SRD5A2: variants seen among roughly 807,000 people sequenced by gnomAD.
The protein encoded by SRD5A2 is steroid 5 alpha-reductase 2.
Under a neutral mutation model 27.4 loss-of-function variants are expected in SRD5A2, and 30 were observed. The ratio of observed to expected loss-of-function variants is 1.10; its 90% confidence interval spans 0.82 to 1.49. SRD5A2 has a LOEUF of 1.49. Ranked by LOEUF, SRD5A2 falls within the 40% of genes most tolerant of loss-of-function variation. SRD5A2 has a pLI of 0.00. For missense variants in SRD5A2, 348 were observed against 323.4 expected (o/e 1.08, Z -0.58); for synonymous variants, 141 against 133.6 (o/e 1.06, Z -0.38).
the SRD5A2 span, among the ~76,000 whole-genome samples, chr2:31,662,462 G>A: frequency 1.3e-5 from 2 of 152,046 alleles, no homozygotes; most frequent in Non-Finnish European, 2.9e-5. Flanking sequence ...GGGACTACAG[G>A]TGTGCACCAC....
intron 1 of SRD5A2, among the ~76,000 whole-genome samples, chr2:31,580,085 T>G (rs1667038425): frequency 6.6e-6 from 1 of 152,152 alleles, no homozygotes; most frequent in Non-Finnish European, 1.5e-5. Context: ...CCTTCCTCCT[T>G]AGACCTGCAA....
chr2:31,608,804 C>T, the SRD5A2 span, among the ~76,000 whole-genome samples: 2 of 152,068 alleles, frequency 1.3e-5, no homozygotes, highest in East Asian at 1.9e-4. Flanking sequence ...CCCATGTCCA[C>T]GGTTTGGAAG....
At chr2:31,646,691 C>T in the SRD5A2 span, among the ~76,000 whole-genome samples, 1 of 151,800 alleles carries the variant, frequency 6.6e-6, no homozygotes, top group African/African-American at 2.4e-5. Flanking sequence ...TCATAGCCAG[C>T]ATACTGTAGA....
chr2:31,625,378 G>A, the SRD5A2 span, among the ~76,000 whole-genome samples: 1 of 152,120 alleles, frequency 6.6e-6, no homozygotes, highest in Non-Finnish European at 1.5e-5. Context: ...GATCCCATTT[G>A]TCTATTTTGG....
chr2:31,565,177 C>A (rs1666705618), intron 1 of SRD5A2, among the ~76,000 whole-genome samples: 1 of 151,572 alleles, frequency 6.6e-6, no homozygotes, highest in South Asian at 2.1e-4. Context: ...TGCAATAAAC[C>A]TTTAAGCAAA....
At chr2:31,634,756 C>T in the SRD5A2 span, among the ~76,000 whole-genome samples, 1 of 152,152 alleles carries the variant, frequency 6.6e-6, no homozygotes, top group South Asian at 2.1e-4. Flanking sequence ...ACTTTTTTAG[C>T]TCCCACATAT....
chr2:31,605,495 G>T, the SRD5A2 span, among the ~76,000 whole-genome samples: 3 of 146,388 alleles, frequency 2.0e-5, no homozygotes, highest in African/African-American at 7.8e-5. Flanking sequence ...CATCTGAATA[G>T]ACACTTCTCA....
the SRD5A2 span, among the ~76,000 whole-genome samples, chr2:31,615,591 A>G: frequency 6.6e-5 from 10 of 152,186 alleles, no homozygotes; most frequent in Non-Finnish European, 1.5e-4. Context: ...AAAAGCATTC[A>G]GTTTTAAAAA....
chr2:31,629,775 C>G, the SRD5A2 span, among the ~76,000 whole-genome samples: 2 of 152,172 alleles, frequency 1.3e-5, no homozygotes, highest in Non-Finnish European at 2.9e-5. Context: ...TGACCCTTAC[C>G]TCCTGGGTTC....
chr2:31,610,698 T>C, the SRD5A2 span, among the ~76,000 whole-genome samples: 3 of 152,180 alleles, frequency 2.0e-5, no homozygotes, highest in Admixed American at 6.5e-5. Flanking sequence ...AGTAAAATTA[T>C]CTTTTTTTGC....
intron 1 of SRD5A2, among the ~76,000 whole-genome samples, chr2:31,548,528 A>AC (rs1666311468): frequency 6.6e-6 from 1 of 152,304 alleles, no homozygotes; most frequent in East Asian, 1.9e-4. Flanking sequence ...AACTACAATG[A>AC]GATACCATCT....
the SRD5A2 span, among the ~76,000 whole-genome samples, chr2:31,641,789 C>T: frequency 2.0e-5 from 3 of 151,940 alleles, no homozygotes; most frequent in Admixed American, 2.0e-4. Flanking sequence ...AAAAAAACAA[C>T]ACTCTTTGGA....
At chr2:31,656,356 C>T in the SRD5A2 span, among the ~76,000 whole-genome samples, 2 of 152,192 alleles carry the variant, frequency 1.3e-5, no homozygotes, top group African/African-American at 4.8e-5. Flanking sequence ...CTTTGATCAT[C>T]CCTTTTCAGT....
rs372211049 is a variant in SRD5A2 at position 31,533,720 on chromosome 2, T to C, written c.328A>G (p.Ile110Val). ...LLNRGRPYPA[I>V]LILRGTAFCT... is the part of the protein sequence containing the mutation. ...AAGGCAGTGCCTCTGAGAATGAGTA[T>C]AGCTGGATAAGGCCTCCCTCGATTG... The change falls in exon 2 of 5, where the codon ATA (isoleucine) becomes GTA (valine). Residue 110 changes from isoleucine (I) to valine (V), a missense_variant. Coordinates refer to ENST00000622030, the MANE Select transcript of SRD5A2 (RefSeq NM_000348.4). The C allele has an allele frequency of 1.2e-5, 19 of 1,600,030 alleles. No individual in the cohort carries two copies. In the South Asian group the frequency reaches 1.5e-4, roughly 12 times the overall value.
the SRD5A2 span, among the ~76,000 whole-genome samples, chr2:31,619,699 A>G: frequency 3.3e-5 from 5 of 151,856 alleles, no homozygotes; most frequent in Admixed American, 3.3e-4. Context: ...TCAGTGATGA[A>G]CTTTTTTTCA....
the SRD5A2 span, among the ~76,000 whole-genome samples, chr2:31,606,379 G>A: frequency 2.0e-5 from 3 of 151,942 alleles, no homozygotes; most frequent in Non-Finnish European, 4.4e-5. Context: ...TGCATTGCAT[G>A]CCTATATCAA....
In SRD5A2 at chr2:31,541,872, C is replaced by CA. The variant is rs1270385744; in HGVS notation, c.282-8107dup. Among the ~76,000 whole-genome samples the CA allele has an allele frequency of 2.6e-5, 4 of 152,326 alleles. No homozygotes were observed. The East Asian group carries it at 7.7e-4, about 29-fold the overall frequency. Reference sequence around the variant, plus strand: ...GGGCTAAACTCAGCCAATGCCAACACACACAGGGAGCATATAGATCAGCCC... The same window carrying CA: ...GGGCTAAACTCAGCCAATGCCAACACAACACAGGGAGCATATAGATCAGCCC... On this transcript the variant is annotated intron_variant, in intron 1 of 4. Transcript: ENST00000622030.
At chr2:31,660,696 T>C in the SRD5A2 span, among the ~76,000 whole-genome samples, 1 of 152,024 alleles carries the variant, frequency 6.6e-6, no homozygotes, top group Non-Finnish European at 1.5e-5. Flanking sequence ...ACTATAAAAA[T>C]TAAGTAAAAA....
chr2:31,539,127 T>C (rs1183702746), intron 1 of SRD5A2, among the ~76,000 whole-genome samples: 2 of 152,332 alleles, frequency 1.3e-5, no homozygotes, highest in East Asian at 3.9e-4. Context: ...CTCTGGACGT[T>C]ATTTAAAAAG....
Sources: allele counts gnomAD v4.1 joint callset (sites outside exome capture counted in the v4.1 genomes callset), GRCh38; gene constraint gnomAD v4.1.1; transcripts MANE v1.5; gene names NCBI Gene and HGNC (gene_info 2026-07-23, HGNC 2026-07-21).